The following NDST3 variants were observed in gnomAD, a reference collection of about 807,000 sequenced individuals.
NDST3 encodes bifunctional heparan sulfate N-deacetylase/N-sulfotransferase 3.
A neutral mutation model predicts 96.1 loss-of-function variants in NDST3; 58 were observed. The ratio of observed to expected loss-of-function variants is 0.60; its 90% CI spans 0.49 to 0.75. The LOEUF is 0.75. Among genes scored for constraint, NDST3 ranks in the 30% least tolerant of loss-of-function variants. The pLI, the probability that NDST3 is intolerant of heterozygous loss-of-function variation, is 0.00. For synonymous variants in NDST3, 333 were observed against 359.7 expected, an observed-to-expected ratio of 0.93 and a Z score of 0.84; for missense variants, 788 against 1,034.2, an observed-to-expected ratio of 0.76 and a Z score of 3.27.
intron 6 of NDST3, among the ~76,000 whole-genome samples, chr4:118,161,646 G>T (rs879265623): frequency 2.6e-5 from 4 of 152,126 alleles, no homozygotes; most frequent in Admixed American, 2.6e-4. Flanking sequence ...AGCAATCAGC[G>T]AGACTCCATG....
chr4:118,234,638 T>C (rs556653939), intron 9 of NDST3, among the ~76,000 whole-genome samples: 278 of 152,046 alleles, frequency 1.8e-3, no homozygotes, highest in Middle Eastern at 0.01. Flanking sequence ...TTTGAAAAAT[T>C]TATGGTAAAA....
chr4:118,055,916 A>G (rs1725399342), intron 2 of NDST3, among the ~76,000 whole-genome samples: 1 of 151,996 alleles, frequency 6.6e-6, no homozygotes. Context: ...CAGAAGGACC[A>G]TTAAATGTTA....
chr4:118,091,850 AC>A (rs1728892939), intron 2 of NDST3, among the ~76,000 whole-genome samples: 3 of 151,146 alleles, frequency 2.0e-5, no homozygotes, highest in Non-Finnish European at 2.9e-5. Flanking sequence ...TATAATCTCT[AC>A]TATGTTTTTT....
chr4:118,193,292 T>G, intron 6 of NDST3: 1 of 364,308 alleles, frequency 2.7e-6, no homozygotes. Flanking sequence ...TCCAACCAGA[T>G]AGAAAAATAA....
intron 6 of NDST3, among the ~76,000 whole-genome samples, chr4:118,198,113 T>A (rs753629338): frequency 2.6e-5 from 4 of 152,220 alleles, no homozygotes; most frequent in Middle Eastern, 3.4e-3. Context: ...GTTTTTTTAT[T>A]CCTTCAGCTA....
In NDST3 at chr4:118,233,480, T is replaced by C. The variant is rs913982383; in HGVS notation, c.1943+345T>C. 2.0e-5 allele frequency among the ~76,000 whole-genome samples: 3 copies of C among 152,352 alleles called. No homozygotes were observed. The East Asian group carries it at 5.8e-4, about 29-fold the overall frequency. On this transcript the variant is annotated intron_variant, in intron 9 of 13. Coordinates refer to ENST00000296499, the MANE Select transcript of NDST3 (RefSeq NM_004784.3). ...AAAAATTTTCATATATTTTTCTTCT[T>C]GTGCACTTTTTATGAAGTGATGCTA...
At chr4:118,074,281 T>A (rs1157916978) in intron 2 of NDST3, among the ~76,000 whole-genome samples, 1 of 152,194 alleles carries the variant, frequency 6.6e-6, no homozygotes, top group Non-Finnish European at 1.5e-5. Context: ...TGTAGATATC[T>A]ATTAGGTCCA....
intron 6 of NDST3, among the ~76,000 whole-genome samples, chr4:118,160,537 C>A (rs889328126): frequency 6.6e-6 from 1 of 151,350 alleles, no homozygotes; most frequent in Non-Finnish European, 1.5e-5. Flanking sequence ...CAAAAGAAGA[C>A]ATACATGTGG....
At chr4:118,254,519 C>T (rs3107483) in intron 13 of NDST3, among the ~76,000 whole-genome samples, 45,578 of 152,012 alleles carry the variant, frequency 0.3, 8,204 homozygotes, top group Middle Eastern at 0.43. Flanking sequence ...TCACTTAATG[C>T]TACAGTTTTC....
intron 2 of NDST3, among the ~76,000 whole-genome samples, chr4:118,070,150 GGTTT>G (rs932685278): frequency 6.6e-6 from 1 of 151,954 alleles, no homozygotes; most frequent in Non-Finnish European, 1.5e-5. Context: ...TTTATCTCTG[GGTTT>G]GTTTCTTTTC....
At chr4:118,252,980 A>G (rs1243321866) in intron 12 of NDST3, among the ~76,000 whole-genome samples, 1 of 152,204 alleles carries the variant, frequency 6.6e-6, no homozygotes, top group Admixed American at 6.5e-5. Context: ...AGTAGCTCTG[A>G]AAAAAATTAA....
At chr4:118,069,929 G>T (rs1471398914) in intron 2 of NDST3, among the ~76,000 whole-genome samples, 1 of 151,956 alleles carries the variant, frequency 6.6e-6, no homozygotes, top group Non-Finnish European at 1.5e-5. Context: ...TACAAATTAA[G>T]TTTAAAAAGT....
At chr4:118,048,012 A>G (rs1724868114) in intron 1 of NDST3, among the ~76,000 whole-genome samples, 1 of 152,222 alleles carries the variant, frequency 6.6e-6, no homozygotes, top group Admixed American at 6.5e-5. Context: ...AGGGAATCCC[A>G]TTAAGCTAGC....
At chr4:118,251,790 T>C (rs946123063) in intron 12 of NDST3, among the ~76,000 whole-genome samples, 4 of 152,232 alleles carry the variant, frequency 2.6e-5, no homozygotes, top group African/African-American at 7.2e-5. Context: ...TACATTTTTA[T>C]ATGTACTTTA....
chr4:118,112,710 C>G (rs1374933457), intron 3 of NDST3, among the ~76,000 whole-genome samples: 1 of 152,062 alleles, frequency 6.6e-6, no homozygotes, highest in Non-Finnish European at 1.5e-5. Flanking sequence ...CAAAGGTCAC[C>G]TTATTTATCA....
intron 2 of NDST3, among the ~76,000 whole-genome samples, chr4:118,061,573 AT>A (rs1168901178): frequency 6.6e-6 from 1 of 152,144 alleles, no homozygotes; most frequent in Non-Finnish European, 1.5e-5. Context: ...CATACCATGT[AT>A]TTTACTAATT....
At chr4:118,239,852 G>C (rs1167796531) in intron 10 of NDST3, among the ~76,000 whole-genome samples, 2 of 152,010 alleles carry the variant, frequency 1.3e-5, no homozygotes, top group Non-Finnish European at 2.9e-5. Context: ...TAAAGAAAAG[G>C]TGATTTCCTC....
chr4:118,122,229 G>C (rs1393698188), intron 4 of NDST3, among the ~76,000 whole-genome samples: 2 of 152,136 alleles, frequency 1.3e-5, no homozygotes, highest in Non-Finnish European at 2.9e-5. Context: ...GTCAGATGTG[G>C]GTATGAGGGT....
chr4:118,193,736 C>T (rs1385638341), intron 6 of NDST3: 10 of 1,385,414 alleles, frequency 7.2e-6, no homozygotes, highest in Admixed American at 1.7e-5. Flanking sequence ...GTTGTTGCTG[C>T]CCAGTTCCAG....
Sources: allele counts gnomAD v4.1 joint callset (sites outside exome capture counted in the v4.1 genomes callset), GRCh38; gene constraint gnomAD v4.1.1; transcripts MANE v1.5; gene names NCBI Gene and HGNC (gene_info 2026-07-23, HGNC 2026-07-21).